Variants in INPP5A observed in about 807,000 individuals in gnomAD.
The protein encoded by INPP5A is 43 kDa inositol polyphosphate 5-phophatase.
In INPP5A, 14 loss-of-function variants were observed where a neutral mutation model predicts 65.2. The observed-to-expected ratio is 0.21, with a 90% CI of 0.14 to 0.34. INPP5A has a LOEUF of 0.34. INPP5A is among the 10% of genes least tolerant of loss of function. The probability of loss-of-function intolerance (pLI) is 1.00; values close to 1 mark genes in which losing one functional copy is unlikely to be tolerated. For synonymous variants in INPP5A, 207 were observed against 208.3 expected (o/e 0.99, Z 0.05); for missense variants, 431 against 545.6 (o/e 0.79, Z 2.09).
At chr10:132,781,259 C>T (rs1175059738) in intron 14 of INPP5A, among the ~76,000 whole-genome samples, 1 of 152,222 alleles carries the variant, frequency 6.6e-6, no homozygotes, top group Non-Finnish European at 1.5e-5. Context: ...TATGCAGCTT[C>T]AGTGTTTTAA....
At chr10:132,638,962 A>C (rs558561142) in intron 2 of INPP5A, among the ~76,000 whole-genome samples, 1 of 152,186 alleles carries the variant, frequency 6.6e-6, no homozygotes, top group African/African-American at 2.4e-5. Context: ...TATATGTTAC[A>C]TTCATTATAT....
intron 6 of INPP5A, among the ~76,000 whole-genome samples, chr10:132,703,351 G>T (rs550748115): frequency 3.9e-5 from 6 of 152,154 alleles, no homozygotes; most frequent in African/African-American, 1.4e-4. Flanking sequence ...CCCGCCAGCC[G>T]CAGGCCCCTG....
At position 132,551,350 on chromosome 10, in the gene INPP5A, CTTAG is replaced by C. The variant is rs770383034; in HGVS notation, c.75+13184_75+13187del. Among the ~76,000 whole-genome samples the C allele has an allele frequency of 3.0e-4, 46 of 152,124 alleles. No individual in the cohort carries two copies. The highest frequency in any genetic ancestry group is 5.4e-4 in the Non-Finnish European group (37 of 68,024). The stretch of plus-strand genomic sequence containing the variant: ...CTGCTTTGTTTCTTGCAAAGAGTGC[CTTAG>C]TTAGGGGACAGGCCAGCCCACCGTC... On this transcript the variant is annotated intron_variant, in intron 1 of 15. Transcript: ENST00000368594. This position sits in a 1 kb window ranked among gnomAD's most constrained non-coding sequence, Gnocchi z 5.3.
At chr10:132,586,123 A>G (rs570410828) in intron 1 of INPP5A, among the ~76,000 whole-genome samples, 1 of 152,186 alleles carries the variant, frequency 6.6e-6, no homozygotes, top group Admixed American at 6.5e-5. Context: ...AGACCCGGGC[A>G]GAGACTGGCC....
At chr10:132,745,728 G>A (rs1297819231) in intron 9 of INPP5A, among the ~76,000 whole-genome samples, 2 of 150,606 alleles carry the variant, frequency 1.3e-5, no homozygotes, top group African/African-American at 4.9e-5. Context: ...GGTGGGCTTC[G>A]GGCGTGGTGG....
At chr10:132,721,750 G>C (rs903947666) in intron 8 of INPP5A, among the ~76,000 whole-genome samples, 4 of 151,840 alleles carry the variant, frequency 2.6e-5, no homozygotes, top group Non-Finnish European at 5.9e-5. Flanking sequence ...GGGTTCTGTG[G>C]TGCCTGGGTT....
At chr10:132,749,372 C>G (rs1846429756) in intron 9 of INPP5A, 145 bp from the exon 10 acceptor site, 1 of 687,746 alleles carries the variant, frequency 1.5e-6, no homozygotes, top group Non-Finnish European at 2.5e-6. Flanking sequence ...GGAGTGGCCC[C>G]TGACCCCAGG....
intron 9 of INPP5A, among the ~76,000 whole-genome samples, chr10:132,740,432 C>T (rs1213679171): frequency 1.3e-5 from 2 of 152,098 alleles, no homozygotes; most frequent in Admixed American, 6.6e-5. Flanking sequence ...GCGCGGCATC[C>T]GGGAGCACAG....
At position 132,542,579 on chromosome 10, in the gene INPP5A, G is replaced by A. The variant is rs59489281; in HGVS notation, c.75+4408G>A. On this transcript the variant is annotated intron_variant, in intron 1 of 15. Transcript: ENST00000368594. ...CTGACTCTCTACCGTGGCAGCCCTC[G>A]AGTGGGGTGGGGGGGTCTCCCCTCC... Among the ~76,000 whole-genome samples the A allele has an allele frequency of 7.3e-3, 1,106 of 152,234 alleles. 11 individuals are homozygous for A. Among genetic ancestry groups the A allele is most frequent in the African/African-American group, 0.026 (1,060 of 41,500 alleles).
chr10:132,672,075 A>G (rs1381705426), intron 4 of INPP5A, among the ~76,000 whole-genome samples: 1 of 152,212 alleles, frequency 6.6e-6, no homozygotes, highest in Non-Finnish European at 1.5e-5. Context: ...TCCTTTCCCA[A>G]GGATGTAGGG....
At chr10:132,614,850 G>C (rs988915118) in intron 2 of INPP5A, among the ~76,000 whole-genome samples, 1 of 152,244 alleles carries the variant, frequency 6.6e-6, no homozygotes, top group Non-Finnish European at 1.5e-5. Context: ...ATCCTACAAG[G>C]ACACGGCAAG....
intron 11 of INPP5A, among the ~76,000 whole-genome samples, chr10:132,764,738 G>A (rs1277563723): frequency 6.8e-5 from 9 of 131,764 alleles, no homozygotes; most frequent in African/African-American, 8.9e-5. Flanking sequence ...TCAGGAACAC[G>A]GTCGGGCCAG....
chr10:132,707,191 C>G lies in INPP5A; in HGVS notation c.475-1122C>G, dbSNP rs1845549811. Among the ~76,000 whole-genome samples, 4 of 152,218 alleles carry G rather than the reference C, an allele frequency of 2.6e-5. No individual in the cohort carries two copies. Among genetic ancestry groups the G allele is most frequent in the Admixed American group, 6.5e-5 (1 of 15,284 alleles). On this transcript the variant is annotated intron_variant, in intron 6 of 15. Coordinates refer to ENST00000368594, the MANE Select transcript of INPP5A (RefSeq NM_005539.5). The surrounding 1 kb of genome is among the most constrained non-coding windows in gnomAD (Gnocchi z 5.5). Reference sequence around the variant, plus strand: ...TAGGGTGTGGTGGAGGAGACAGGGTCTTCCCTGTCCTGCTTTCCTTCTCTG... The same window carrying G: ...TAGGGTGTGGTGGAGGAGACAGGGTGTTCCCTGTCCTGCTTTCCTTCTCTG...
At chr10:132,617,470 A>G (rs1590871460) in intron 2 of INPP5A, among the ~76,000 whole-genome samples, 1 of 152,188 alleles carries the variant, frequency 6.6e-6, no homozygotes, top group South Asian at 2.1e-4. Context: ...GCGGTGGAGG[A>G]CCCCTTTCCC....
At chr10:132,596,833 GTGCGTGTGTGCA>G (rs1277880151) in intron 1 of INPP5A, among the ~76,000 whole-genome samples, 2 of 145,372 alleles carry the variant, frequency 1.4e-5, no homozygotes, top group Admixed American at 1.4e-4. Flanking sequence ...GTTTGCTTGT[GTGCGTGTGTGCA>G]TGCGTGTGTG....
intron 2 of INPP5A, among the ~76,000 whole-genome samples, chr10:132,623,490 TAACTC>T: frequency 6.6e-6 from 1 of 152,152 alleles, no homozygotes; most frequent in Admixed American, 6.5e-5. Context: ...ACACAAAAAT[TAACTC>T]AAAATGGATC....
rs1441593324 is a variant in INPP5A at position 132,707,979 on chromosome 10, C to T, written c.475-334C>T. Among the ~76,000 whole-genome samples, 1 of 152,206 alleles carries T rather than the reference C, an allele frequency of 6.6e-6. No homozygotes were observed. Among genetic ancestry groups the T allele is most frequent in the Non-Finnish European group, 1.5e-5 (1 of 68,028 alleles). ...GAGGGCGGCCGTGTGTCTCGAGCTC[C>T]CTGATCAGCATCTGTGGTGACAGTG... On this transcript the variant is annotated intron_variant, in intron 6 of 15. Coordinates refer to ENST00000368594, the MANE Select transcript of INPP5A (RefSeq NM_005539.5). The surrounding 1 kb of genome is among the most constrained non-coding windows in gnomAD (Gnocchi z 5.5).
At chr10:132,611,271 A>G (rs1297501425) in intron 2 of INPP5A, among the ~76,000 whole-genome samples, 254 of 70,220 alleles carry the variant, frequency 3.6e-3, no homozygotes, top group Middle Eastern at 0.032. Context: ...GCCCTGTCAG[A>G]GGAGGATGAG....
intron 4 of INPP5A, among the ~76,000 whole-genome samples, chr10:132,654,120 G>A (rs1358312456): frequency 1.3e-5 from 2 of 152,246 alleles, no homozygotes; most frequent in Non-Finnish European, 2.9e-5. Flanking sequence ...GAGGGTTTCC[G>A]GAAAATGGGA....
Sources: gnomAD v4.1 joint callset for allele counts (sites outside exome capture counted in the v4.1 genomes callset) on GRCh38, gnomAD v4.1.1 for gene constraint, Gnocchi (gnomAD v3.1) non-coding constraint, MANE v1.5 for transcripts, NCBI Gene and HGNC (gene_info 2026-07-23, HGNC 2026-07-21) for gene names.